The following BTBD9 variants were observed in gnomAD, a reference collection of about 807,000 sequenced individuals.
BTBD9 encodes the protein BTB domain containing 9.
In BTBD9, 49 loss-of-function variants were observed where a neutral mutation model predicts 64.3. The ratio of observed to expected loss-of-function variants is 0.76; its 90% CI spans 0.61 to 0.97. BTBD9 has a LOEUF of 0.97. Ranked by LOEUF, BTBD9 falls within the 50% of genes least tolerant of loss-of-function variation. The pLI, the probability that BTBD9 is intolerant of heterozygous loss-of-function variation, is 0.00. For missense variants in BTBD9, 598 were observed against 762.1 expected (o/e 0.78, Z 2.53); for synonymous variants, 260 against 274.7 (o/e 0.95, Z 0.53).
chr6:38,392,081 A>AGT (rs1766442930), intron 6 of BTBD9, among the ~76,000 whole-genome samples: 1 of 152,140 alleles, frequency 6.6e-6, no homozygotes, highest in South Asian at 2.1e-4. Context: ...AAGACACCAA[A>AGT]CAAAGTCCAG....
At chr6:38,318,714 C>T (rs139794181) in intron 7 of BTBD9, among the ~76,000 whole-genome samples, 91 of 152,316 alleles carry the variant, frequency 6.0e-4, no homozygotes, top group African/African-American at 2.1e-3. Flanking sequence ...CTAGGTCAGA[C>T]CTGAGGCCAA....
At chr6:38,549,352 G>C (rs1010725812) in intron 6 of BTBD9, among the ~76,000 whole-genome samples, 1 of 152,154 alleles carries the variant, frequency 6.6e-6, no homozygotes, top group African/African-American at 2.4e-5. Context: ...AGATATATTA[G>C]CTATCTTTTG....
At chr6:38,245,707 TG>T (rs915276891) in intron 9 of BTBD9, among the ~76,000 whole-genome samples, 8 of 151,916 alleles carry the variant, frequency 5.3e-5, no homozygotes, top group African/African-American at 1.9e-4. Context: ...AGAGGGAATG[TG>T]GGGGGGTCAG....
At chr6:38,513,450 A>T (rs918344800) in intron 6 of BTBD9, among the ~76,000 whole-genome samples, 1 of 151,672 alleles carries the variant, frequency 6.6e-6, no homozygotes, top group African/African-American at 2.4e-5. Context: ...TCTGTCTCAA[A>T]AAAAAAAAAG....
chr6:38,550,726 C>T (rs1774760509), intron 6 of BTBD9, among the ~76,000 whole-genome samples: 1 of 152,172 alleles, frequency 6.6e-6, no homozygotes, highest in Non-Finnish European at 1.5e-5. Flanking sequence ...TACCCTCATC[C>T]AAGCCACCAC....
chr6:38,374,593 C>T (rs1036469680), intron 6 of BTBD9, among the ~76,000 whole-genome samples: 5 of 151,644 alleles, frequency 3.3e-5, no homozygotes, highest in Admixed American at 2.6e-4. Flanking sequence ...AATGAACAAA[C>T]CATTTAATGA....
chr6:38,335,868 G>A lies in BTBD9; in HGVS notation c.1264+9116C>T, dbSNP rs147353516. ...CCTGCCTTAGCCTCCCGAGTAGCTG[G>A]GATTACAGGTGCCCGCCACCACACC... is the stretch of plus-strand genomic sequence containing the variant. On this transcript the variant is annotated intron_variant, in intron 7 of 10. Coordinates refer to ENST00000481247, the MANE Select transcript of BTBD9 (RefSeq NM_001099272.2). Among the ~76,000 whole-genome samples, 198 of 152,126 alleles carry A rather than the reference G, an allele frequency of 1.3e-3. 2 individuals are homozygous for A. The highest frequency in any genetic ancestry group is 0.011 in the South Asian group (51 of 4,812).
intron 6 of BTBD9, among the ~76,000 whole-genome samples, chr6:38,486,202 T>A (rs1207307081): frequency 3.3e-5 from 5 of 152,226 alleles, no homozygotes; most frequent in African/African-American, 9.7e-5. Context: ...CTTTAGGGAA[T>A]GTTGTGGCTG....
At chr6:38,368,049 A>G (rs1410303842) in intron 6 of BTBD9, among the ~76,000 whole-genome samples, 4 of 152,216 alleles carry the variant, frequency 2.6e-5, no homozygotes, top group African/African-American at 9.6e-5. Flanking sequence ...AGACACTAAC[A>G]GTAAAACAGA....
chr6:38,431,706 A>G lies in BTBD9; in HGVS notation c.1155-86613T>C, dbSNP rs541367923. Among the ~76,000 whole-genome samples the G allele has an allele frequency of 7.3e-5, 11 of 151,032 alleles. No individual in the cohort carries two copies. The South Asian group carries it at 1.7e-3, about 23-fold the overall frequency. On this transcript the variant is annotated intron_variant, in intron 6 of 10. Transcript: ENST00000481247. ...TGCTGGCACCCAATGCACATCCCCT[A>G]TCATTTCTCCTCTAGACTGATAAAT... is the stretch of plus-strand genomic sequence containing the variant.
intron 1 of BTBD9, among the ~76,000 whole-genome samples, chr6:38,611,975 A>G (rs1386068629): frequency 6.6e-6 from 1 of 152,208 alleles, no homozygotes; most frequent in Non-Finnish European, 1.5e-5. Flanking sequence ...TGTCAAGTCT[A>G]TAAATACTTT....
chr6:38,586,269 GA>G (rs532117426), intron 4 of BTBD9, among the ~76,000 whole-genome samples: 1 of 150,908 alleles, frequency 6.6e-6, no homozygotes, highest in Non-Finnish European at 1.5e-5. Context: ...AATATCCTAA[GA>G]AAAAAAAATT....
intron 9 of BTBD9, among the ~76,000 whole-genome samples, chr6:38,243,035 G>A (rs1270316894): frequency 1.3e-5 from 2 of 151,394 alleles, no homozygotes; most frequent in Non-Finnish European, 2.9e-5. Context: ...GCATTTGGCT[G>A]GGTCTTGAAG....
intron 9 of BTBD9, among the ~76,000 whole-genome samples, chr6:38,236,440 A>G (rs555374871): frequency 6.6e-6 from 1 of 152,358 alleles, no homozygotes; most frequent in African/African-American, 2.4e-5. Context: ...AACAGAGGCT[A>G]AAGAACAAAG....
At chr6:38,544,927 C>CAAAAAAAAAAAAAAA (rs58694810) in intron 6 of BTBD9, among the ~76,000 whole-genome samples, 1 of 48,284 alleles carries the variant, frequency 2.1e-5, no homozygotes, top group African/African-American at 7.5e-5. Flanking sequence ...AACTACATCT[C>CAAAAAAAAAAAAAAA]AAAAAAAAAA....
At chr6:38,410,369 GGAGGCT>G (rs1476688968) in intron 6 of BTBD9, among the ~76,000 whole-genome samples, 1 of 152,076 alleles carries the variant, frequency 6.6e-6, no homozygotes, top group African/African-American at 2.4e-5. Flanking sequence ...CAGCTACCTG[GGAGGCT>G]GAGGGGAGGA....
intron 9 of BTBD9, among the ~76,000 whole-genome samples, chr6:38,251,931 G>A (rs906944634): frequency 1.3e-5 from 2 of 151,836 alleles, no homozygotes; most frequent in African/African-American, 4.8e-5. Context: ...AAAATAAAGG[G>A]TGCAGGTCAA....
chr6:38,378,680 C>T (rs912917317), intron 6 of BTBD9, among the ~76,000 whole-genome samples: 2 of 151,620 alleles, frequency 1.3e-5, no homozygotes, highest in Admixed American at 1.3e-4. Flanking sequence ...TCTAGATCGG[C>T]CTGACCAACA....
intron 6 of BTBD9, among the ~76,000 whole-genome samples, chr6:38,372,081 G>A (rs1765450577): frequency 6.6e-6 from 1 of 152,084 alleles, no homozygotes; most frequent in Admixed American, 6.5e-5. Context: ...AGGTCCCATG[G>A]GAATCACAAA....
Sources: allele counts gnomAD v4.1 joint callset (sites outside exome capture counted in the v4.1 genomes callset), GRCh38; gene constraint gnomAD v4.1.1; transcripts MANE v1.5; gene names NCBI Gene and HGNC (gene_info 2026-07-23, HGNC 2026-07-21).